GPRC5D: variants seen among roughly 807,000 people sequenced by gnomAD.
GPRC5D encodes the protein G protein-coupled receptor family C group 5 member D.
GPRC5D carries 20 observed loss-of-function variants against 29.3 expected under a neutral mutation model. That is an observed-to-expected ratio of 0.68 (90% confidence interval 0.48 to 0.99). The LOEUF (loss-of-function observed/expected upper bound fraction) is 0.99. Ranked by LOEUF, GPRC5D falls within the 50% of genes least tolerant of loss-of-function variation. The pLI, the probability that GPRC5D is intolerant of heterozygous loss-of-function variation, is 0.00. For missense variants in GPRC5D, 384 were observed against 423.6 expected, an observed-to-expected ratio of 0.91 and a Z score of 0.82; for synonymous variants, 178 against 171.3, an observed-to-expected ratio of 1.04 and a Z score of -0.30.
At chr12:12,946,289 TTTCTTCCTTCCTTCCTTCCTTTTCTTTC>T (rs199796884) in intron 1 of GPRC5D, among the ~76,000 whole-genome samples, 1,668 of 78,146 alleles carry the variant, frequency 0.021, 8 homozygotes, top group African/African-American at 0.035. Context: ...CCTTCCTTCC[TTTCTTCCTTCCTTCCTTCCTTTTCTTTC>T]TTTCTTTCTT....
At chr12:12,950,202 G>A in exon 1 of GPRC5D, 3 of 1,613,616 alleles carry the variant, frequency 1.9e-6, no homozygotes, top group Non-Finnish European at 2.5e-6. Context: ...GGAGCTGGGT[G>A]GGGAGGACAT....
chr12:12,944,899 T>C (rs191954584), intron 1 of GPRC5D, among the ~76,000 whole-genome samples: 5 of 131,154 alleles, frequency 3.8e-5, no homozygotes, highest in East Asian at 4.7e-4. Context: ...CTTTCTTTCT[T>C]TCTTTCTCTC....
chr12:12,940,962 A>G, intron 2 of GPRC5D, 113 bp from the exon 4 acceptor site: 1 of 684,692 alleles, frequency 1.5e-6, no homozygotes, highest in Middle Eastern at 2.7e-4. Context: ...CCCAGGCTGG[A>G]GTGCAGTGGT....
At chr12:12,949,417 C>T (rs1863428948) in intron 1 of GPRC5D, 73 bp downstream of exon 2, 1 of 1,310,606 alleles carries the variant, frequency 7.6e-7, no homozygotes, top group Non-Finnish European at 1.1e-6. Flanking sequence ...CTTGGCTCAT[C>T]CTACTGCATG....
chr12:12,942,470 C>T (rs1863178259), intron 1 of GPRC5D, 142 bp from the exon 3 acceptor site: 1 of 626,520 alleles, frequency 1.6e-6, no homozygotes, highest in Non-Finnish European at 2.9e-6. Flanking sequence ...CACGGTGGCT[C>T]ACGCCTGTAA....
upstream of GPRC5D, among the ~76,000 whole-genome samples, chr12:12,950,637 T>C (rs1421156928): frequency 1.3e-5 from 2 of 152,016 alleles, no homozygotes; most frequent in African/African-American, 2.4e-5. Flanking sequence ...TGAAACCCCA[T>C]CTCTACTAAA....
At chr12:12,950,082 A>G in exon 1 of GPRC5D, 2 of 1,614,068 alleles carry the variant, frequency 1.2e-6, no homozygotes, top group Non-Finnish European at 1.7e-6. Context: ...AGAAACAGAG[A>G]GCAAAGAGAA....
At chr12:12,951,935 A>G (rs532633135), upstream of GPRC5D, among the ~76,000 whole-genome samples, 6 of 152,270 alleles carry the variant, frequency 3.9e-5, no homozygotes, top group Admixed American at 2.0e-4. Flanking sequence ...ACGAAAGTCC[A>G]TGTCTTGACT....
At chr12:12,940,952 C>T in intron 2 of GPRC5D, 103 bp from the exon 4 acceptor site, 1 of 753,494 alleles carries the variant, frequency 1.3e-6, no homozygotes, top group Non-Finnish European at 2.3e-6. Flanking sequence ...TGCTCTGTCA[C>T]CCAGGCTGGA....
At chr12:12,949,878 G>C in exon 1 of GPRC5D, 1 of 1,614,194 alleles carries the variant, frequency 6.2e-7, no homozygotes, top group Non-Finnish European at 8.5e-7. Flanking sequence ...GTACAACAAA[G>C]TCCACATTGA....
chr12:12,950,564 T>G, upstream of GPRC5D: 1 of 586,468 alleles, frequency 1.7e-6, no homozygotes. Context: ...CCCAGCACTT[T>G]GGAAGGCTGA....
chr12:12,942,477 G>C (rs529259385), intron 1 of GPRC5D, 149 bp from the exon 3 acceptor site: 573 of 611,816 alleles, frequency 9.4e-4, no homozygotes, highest in Middle Eastern at 7.1e-3. Flanking sequence ...GCTCACGCCT[G>C]TAATCCCAGC....
At chr12:12,946,149 A>G (rs1863307814) in intron 1 of GPRC5D, among the ~76,000 whole-genome samples, 1 of 152,090 alleles carries the variant, frequency 6.6e-6, no homozygotes, top group Non-Finnish European at 1.5e-5. Context: ...TTTAATCTAA[A>G]TCTCTCATGC....
Position 12,944,815 on chromosome 12 carries a change from TTCCTTCCTTCCTTCCTTCC to T in GPRC5D, c.896-2506_896-2488del, listed in dbSNP as rs1244943883. On this transcript the variant is annotated intron_variant, in intron 1 of 2. Transcript: ENST00000228887. ...TTCCTTCCTTCCCTTCCTTCCTTCC[TTCCTTCCTTCCTTCCTTCC>T]TTCCTTCCTTCCTTCCTTCTTTCTT... Among the ~76,000 whole-genome samples the T allele has an allele frequency of 1.6e-3, 17 of 10,826 alleles. 1 individual carries two copies. The highest frequency in any genetic ancestry group is 0.014 in the South Asian group (2 of 148). The allele number at this position is 10,826 out of a possible 152,430, so 7.1% of individuals were successfully genotyped here. A position where few individuals can be genotyped will look rare whatever the true frequency, so the allele number is the denominator to read the frequency against.
chr12:12,940,767 CTGTAGATT>C (rs1277802401), exon 3 of GPRC5D: 5 of 1,568,712 alleles, frequency 3.2e-6, no homozygotes, highest in Non-Finnish European at 4.4e-6. Context: ...CTTGTGTTTC[CTGTAGATT>C]TATACTCCTC....
Position 12,946,436 on chromosome 12 carries a change from T to TTCTCTCTC in GPRC5D, c.895+3046_895+3053dup, listed in dbSNP as rs67343880. Reference sequence around the variant, plus strand: ...TCTTTCTCTCTCTCTCTTTCTCTCTTTCTCTCTCTCTCTCTCTCTTTCTCT... The same window carrying TTCTCTCTC: ...TCTTTCTCTCTCTCTCTTTCTCTCTTTCTCTCTCTCTCTCTCTCTCTCTCTCTTTCTCT... On this transcript the variant is annotated intron_variant, in intron 1 of 2. Transcript: ENST00000228887. 1.9e-4 allele frequency among the ~76,000 whole-genome samples: 27 copies of TTCTCTCTC among 142,472 alleles called. 2 individuals carry two copies. In the East Asian group the frequency reaches 5.2e-3, roughly 27 times the overall value. The allele number at this position is 142,472 out of a possible 152,430, so 93.5% of individuals were successfully genotyped here.
chr12:12,944,585 T>C (rs1863227380), intron 1 of GPRC5D: 1 of 152,008 alleles, frequency 6.6e-6, no homozygotes, highest in South Asian at 2.1e-4. Flanking sequence ...GCAGGAATAG[T>C]GTTCTCTTGG....
chr12:12,948,538 C>T (rs1398632671), intron 1 of GPRC5D: 1 of 154,278 alleles, frequency 6.5e-6, no homozygotes, highest in African/African-American at 2.4e-5. Context: ...TATAAAATAA[C>T]ATCATCATTA....
At chr12:12,947,440 AATTCTG>A (rs1192481060) in intron 1 of GPRC5D, among the ~76,000 whole-genome samples, 1 of 152,002 alleles carries the variant, frequency 6.6e-6, no homozygotes, top group Non-Finnish European at 1.5e-5. Flanking sequence ...AGATGACCTA[AATTCTG>A]ATTTTACTTT....
Sources: allele counts gnomAD v4.1 joint callset (sites outside exome capture counted in the v4.1 genomes callset), GRCh38; gene constraint gnomAD v4.1.1; transcripts MANE v1.5; gene names NCBI Gene and HGNC (gene_info 2026-07-23, HGNC 2026-07-21).